Variants in CACNG4 observed in about 807,000 individuals in gnomAD.
CACNG4 encodes voltage-dependent calcium channel gamma-4 subunit.
Under a neutral mutation model 22.9 loss-of-function variants are expected in CACNG4, and 8 were observed. That is an observed-to-expected ratio of 0.35 (90% CI 0.21 to 0.63). The LOEUF (loss-of-function observed/expected upper bound fraction) is 0.63. Ranked by LOEUF, CACNG4 falls within the 30% of genes least tolerant of loss-of-function variation. The pLI is 0.72. For synonymous variants in CACNG4, 188 were observed against 191.9 expected, an observed-to-expected ratio of 0.98 and a Z score of 0.17; for missense variants, 357 against 455.4, an observed-to-expected ratio of 0.78 and a Z score of 1.97.
chr17:67,031,160 G>A lies in CACNG4; in HGVS notation c.*156G>A, dbSNP rs1046642506. 2.6e-6 allele frequency: 2 copies of A among 773,538 alleles called. No homozygotes were observed. Among genetic ancestry groups the A allele is most frequent in the Middle Eastern group, 3.8e-4 (1 of 2,636 alleles). 47.9% of individuals were successfully genotyped at this position (773,538 alleles called of 1,614,324 possible). A position where few individuals can be genotyped will look rare whatever the true frequency, so the allele number is the denominator to read the frequency against. On this transcript the variant is annotated 3_prime_UTR_variant, in exon 4 of 4. Coordinates refer to ENST00000262138, the MANE Select transcript of CACNG4 (RefSeq NM_014405.4). This position sits in a 1 kb window ranked among gnomAD's most constrained non-coding sequence, Gnocchi z 4.0. ...GTGGCGTGGGCTGGCTTTGCACGAAGGTTGTGCTGGGAGACCGGACCCGGG... is the reference window on the plus strand; with the variant it reads ...GTGGCGTGGGCTGGCTTTGCACGAAAGTTGTGCTGGGAGACCGGACCCGGG...
intron 2 of CACNG4, among the ~76,000 whole-genome samples, chr17:67,024,424 C>T (rs1040258144): frequency 7.2e-5 from 11 of 152,232 alleles, no homozygotes; most frequent in East Asian, 3.9e-4. Flanking sequence ...AATGCCGATG[C>T]GTGTGCTCTC....
At chr17:66,997,817 AAAAC>A (rs370512501) in intron 1 of CACNG4, among the ~76,000 whole-genome samples, 4,433 of 152,098 alleles carry the variant, frequency 0.029, 199 homozygotes, top group African/African-American at 0.098. Context: ...GACCCTGTCA[AAAAC>A]AAACAAACAA....
rs2035590966 is a variant in CACNG4 at position 67,029,844 on chromosome 17, G to T, written c.446-622G>T. On this transcript the variant is annotated intron_variant, in intron 3 of 3. Coordinates refer to ENST00000262138, the MANE Select transcript of CACNG4 (RefSeq NM_014405.4). ...ATTCCCAAACAAAAATGTATTTTAA[G>T]TGTTTCAATGCACATGGCCCAGCAG... Among the ~76,000 whole-genome samples, 4 of 152,342 alleles carry T rather than the reference G, an allele frequency of 2.6e-5. No homozygotes were observed. In the South Asian group the frequency reaches 8.3e-4, roughly 32 times the overall value.
intron 1 of CACNG4, among the ~76,000 whole-genome samples, chr17:66,986,613 T>G (rs1313394792): frequency 1.3e-5 from 2 of 152,166 alleles, no homozygotes; most frequent in Admixed American, 1.3e-4. Context: ...AGGGCACAGA[T>G]CGCTTGGAGC....
At position 67,027,514 on chromosome 17, in the gene CACNG4, T is replaced by C. The variant is rs1306463212; in HGVS notation, c.445+2514T>C. 7.2e-5 allele frequency among the ~76,000 whole-genome samples: 11 copies of C among 152,324 alleles called. No homozygotes were observed. The East Asian group carries it at 2.1e-3, about 29-fold the overall frequency. ...GGCCACCAGCCCTAGCAGGGAGGTC[T>C]GACAGGCTCTTAAAGAACTCGAGGT... On this transcript the variant is annotated intron_variant, in intron 3 of 3. Transcript: ENST00000262138. The surrounding 1 kb of genome is among the most constrained non-coding windows in gnomAD (Gnocchi z 4.3).
At chr17:66,968,851 C>T (rs1598098862) in intron 1 of CACNG4, among the ~76,000 whole-genome samples, 1 of 148,022 alleles carries the variant, frequency 6.8e-6, no homozygotes, top group Admixed American at 6.8e-5. Context: ...GTCTCTCTCC[C>T]AATCTGTTTC....
chr17:67,006,505 A>G (rs1203381752), intron 1 of CACNG4, among the ~76,000 whole-genome samples: 1 of 151,824 alleles, frequency 6.6e-6, no homozygotes, highest in South Asian at 2.1e-4. Flanking sequence ...CATGCCAAAC[A>G]TGCCTCTGGG....
At position 67,031,069 on chromosome 17, in the gene CACNG4, G is replaced by A; in HGVS notation, c.*65G>A. 1 of 1,507,554 alleles carries A rather than the reference G, an allele frequency of 6.6e-7. No individual in the cohort carries two copies. The highest frequency in any genetic ancestry group is 9.0e-7 in the Non-Finnish European group (1 of 1,110,832). The allele number at this position is 1,507,554 out of a possible 1,614,324, so 93.4% of individuals were successfully genotyped here. A position where few individuals can be genotyped will look rare whatever the true frequency, so the allele number is the denominator to read the frequency against. ...ACGGCTCTTTTTGTCACACAGGATG[G>A]CATGTGATCCTCAAGACGACGAACA... On this transcript the variant is annotated 3_prime_UTR_variant, in exon 4 of 4. Coordinates refer to ENST00000262138, the MANE Select transcript of CACNG4 (RefSeq NM_014405.4). The surrounding 1 kb of genome is among the most constrained non-coding windows in gnomAD (Gnocchi z 4.0).
In CACNG4 at chr17:66,977,827, C is replaced by T. The variant is rs1279845419; in HGVS notation, c.220+12696C>T. 2.0e-5 allele frequency among the ~76,000 whole-genome samples: 3 copies of T among 152,176 alleles called. No homozygotes were observed. In the East Asian group the frequency reaches 5.8e-4, roughly 29 times the overall value. On this transcript the variant is annotated intron_variant, in intron 1 of 3. Transcript: ENST00000262138. ...GCTGAGTGCCTGGCTTCAGGCCGGG[C>T]ATTGTGGGCACAGAAAGCCCCCAGG...
chr17:66,981,543 G>A (rs1230147058), intron 1 of CACNG4, among the ~76,000 whole-genome samples: 2 of 152,186 alleles, frequency 1.3e-5, no homozygotes, highest in Admixed American at 6.5e-5. Flanking sequence ...AAGCCTTTGT[G>A]CAAAGCACTG....
chr17:67,017,869 G>A (rs35835247), intron 1 of CACNG4, among the ~76,000 whole-genome samples: 57,114 of 151,646 alleles, frequency 0.38, 13,438 homozygotes, highest in African/African-American at 0.67. Flanking sequence ...AGAGGGATCC[G>A]ACCTCCTGCT....
chr17:67,029,592 C>G (rs2035589166), intron 3 of CACNG4, among the ~76,000 whole-genome samples: 1 of 152,184 alleles, frequency 6.6e-6, no homozygotes, highest in African/African-American at 2.4e-5. Flanking sequence ...CGAGATCGCG[C>G]CACTGCACTC....
At chr17:66,979,103 A>G (rs1391786180) in intron 1 of CACNG4, among the ~76,000 whole-genome samples, 1 of 152,134 alleles carries the variant, frequency 6.6e-6, no homozygotes, top group African/African-American at 2.4e-5. Context: ...GCACAGTCCC[A>G]GTCACCACAC....
intron 2 of CACNG4, 69 bp from the exon 3 acceptor site, chr17:67,024,791 C>T (rs544928375): frequency 1.2e-4 from 176 of 1,409,918 alleles, no homozygotes; most frequent in South Asian, 8.0e-4. Context: ...GGGAGACATA[C>T]GCAGCCATGC....
chr17:66,981,212 G>A (rs1411778394), intron 1 of CACNG4, among the ~76,000 whole-genome samples: 1 of 152,142 alleles, frequency 6.6e-6, no homozygotes, highest in Non-Finnish European at 1.5e-5. Context: ...AGAAGCGCGA[G>A]GGAATATGGA....
chr17:67,003,515 T>G (rs1243184200), intron 1 of CACNG4, among the ~76,000 whole-genome samples: 1 of 152,112 alleles, frequency 6.6e-6, no homozygotes, highest in Non-Finnish European at 1.5e-5. Flanking sequence ...AGGGGAAGAC[T>G]CAGTTCTGTG....
intron 1 of CACNG4, among the ~76,000 whole-genome samples, chr17:66,990,484 C>T (rs1303112605): frequency 6.6e-6 from 1 of 152,100 alleles, no homozygotes; most frequent in South Asian, 2.1e-4. Context: ...GGGTATCTTT[C>T]GGGCCATCTT....
chr17:66,995,732 C>CGGTACTGTACACCTGTA (rs2035370002), intron 1 of CACNG4, among the ~76,000 whole-genome samples: 1 of 151,930 alleles, frequency 6.6e-6, no homozygotes, highest in African/African-American at 2.4e-5. Flanking sequence ...CACCTGTAAT[C>CGGTACTGTACACCTGTA]CTAGCTACTC....
At chr17:67,000,800 C>G (rs1339394643) in intron 1 of CACNG4, among the ~76,000 whole-genome samples, 1 of 152,220 alleles carries the variant, frequency 6.6e-6, no homozygotes, top group Non-Finnish European at 1.5e-5. Flanking sequence ...TCCTCCCTTT[C>G]TGCTCCAAGT....
Sources: gnomAD v4.1 joint callset for allele counts (sites outside exome capture counted in the v4.1 genomes callset) on GRCh38, gnomAD v4.1.1 for gene constraint, Gnocchi (gnomAD v3.1) non-coding constraint, MANE v1.5 for transcripts, NCBI Gene and HGNC (gene_info 2026-07-23, HGNC 2026-07-21) for gene names.